The following DCC variants were observed in gnomAD, a reference collection of about 807,000 sequenced individuals.
DCC encodes the protein netrin receptor DCC.
DCC carries 58 observed loss-of-function variants against 172.5 expected under a neutral mutation model. The observed-to-expected ratio is 0.34, with a 90% CI of 0.27 to 0.42. The LOEUF (loss-of-function observed/expected upper bound fraction) is 0.42, where lower values mean the gene tolerates loss of function less well. DCC is among the 10% of genes least tolerant of loss of function. DCC has a pLI of 1.00. For missense variants in DCC, 1,740 were observed against 1,791.0 expected, an observed-to-expected ratio of 0.97 and a Z score of 0.51; for synonymous variants, 709 against 644.5, an observed-to-expected ratio of 1.10 and a Z score of -1.52.
chr18:52,593,352 G>A (rs2033841306), intron 1 of DCC, among the ~76,000 whole-genome samples: 1 of 152,112 alleles, frequency 6.6e-6, no homozygotes, highest in African/African-American at 2.4e-5. Context: ...AACTCCCTCA[G>A]CAGCAGGATC....
intron 1 of DCC, among the ~76,000 whole-genome samples, chr18:52,355,262 C>A (rs1041225503): frequency 6.6e-6 from 1 of 151,962 alleles, no homozygotes; most frequent in Admixed American, 6.6e-5. Context: ...TTTCAAAGCA[C>A]TGATCAGGCA....
intron 5 of DCC, among the ~76,000 whole-genome samples, chr18:52,930,623 G>GTATTTA: frequency 1.3e-5 from 2 of 152,140 alleles, no homozygotes; most frequent in South Asian, 4.1e-4. Flanking sequence ...CTCCTTGTAA[G>GTATTTA]TATTTATATT....
At chr18:52,531,896 A>G (rs186062303) in intron 1 of DCC, among the ~76,000 whole-genome samples, 7 of 152,358 alleles carry the variant, frequency 4.6e-5, no homozygotes, top group African/African-American at 1.7e-4. Context: ...GATCTTAAAA[A>G]CAAAAAAAGA....
intron 1 of DCC, among the ~76,000 whole-genome samples, chr18:52,745,479 G>T (rs1043605632): frequency 6.6e-6 from 1 of 151,978 alleles, no homozygotes; most frequent in African/African-American, 2.4e-5. Context: ...GCCTAGAATT[G>T]TGCATTTTAA....
intron 1 of DCC, among the ~76,000 whole-genome samples, chr18:52,427,959 A>C (rs2144457398): frequency 6.6e-6 from 1 of 151,202 alleles, no homozygotes; most frequent in South Asian, 2.1e-4. Context: ...AAAGGCAAGC[A>C]CTCCACCAAA....
At chr18:52,526,387 A>G (rs559515331) in intron 1 of DCC, among the ~76,000 whole-genome samples, 4 of 152,292 alleles carry the variant, frequency 2.6e-5, no homozygotes, top group Admixed American at 6.5e-5. Context: ...CCCCTGATAT[A>G]TAGGCAATCA....
chr18:52,470,592 T>C (rs1304770463), intron 1 of DCC, among the ~76,000 whole-genome samples: 1 of 151,972 alleles, frequency 6.6e-6, no homozygotes, highest in African/African-American at 2.4e-5. Flanking sequence ...ACAGAAAACA[T>C]TTTATTTGAG....
At chr18:52,430,402 G>A (rs948386766) in intron 1 of DCC, among the ~76,000 whole-genome samples, 1 of 151,428 alleles carries the variant, frequency 6.6e-6, no homozygotes, top group Non-Finnish European at 1.5e-5. Context: ...AAGAAAAAAT[G>A]CATTGGTTAA....
At chr18:52,982,673 T>C (rs1015063378) in intron 5 of DCC, among the ~76,000 whole-genome samples, 3 of 152,122 alleles carry the variant, frequency 2.0e-5, no homozygotes, top group South Asian at 2.1e-4. Context: ...TTTTGAGATA[T>C]TGCCAGATGT....
At chr18:53,275,012 C>A (rs1823876726) in intron 12 of DCC, among the ~76,000 whole-genome samples, 1 of 151,984 alleles carries the variant, frequency 6.6e-6, no homozygotes, top group Admixed American at 6.6e-5. Context: ...AGCTGTAAAT[C>A]CCAACTACAC....
intron 24 of DCC, 77 bp downstream of exon 24, chr18:53,459,535 A>C: frequency 8.9e-6 from 8 of 895,332 alleles, no homozygotes; most frequent in Non-Finnish European, 1.5e-5. Context: ...TTTTATGGAA[A>C]TGTCTTCCCT....
chr18:53,462,471 A>C (rs11083002), intron 24 of DCC, among the ~76,000 whole-genome samples: 73,814 of 151,040 alleles, frequency 0.49, 19,001 homozygotes, highest in Non-Finnish European at 0.58. Context: ...TGTCTCCCAT[A>C]ACCCCCAGAT....
chr18:53,309,108 G>A (rs190074761), intron 13 of DCC, among the ~76,000 whole-genome samples: 97 of 152,230 alleles, frequency 6.4e-4, no homozygotes, highest in Admixed American at 6.0e-3. Context: ...CATGATCATA[G>A]TTTACTGCAG....
chr18:52,971,167 T>G (rs943663188), intron 5 of DCC, among the ~76,000 whole-genome samples: 1 of 152,146 alleles, frequency 6.6e-6, no homozygotes, highest in Non-Finnish European at 1.5e-5. Context: ...GGCCTTTTCT[T>G]TTTCGTTAGT....
At chr18:52,566,879 T>A (rs948593) in intron 1 of DCC, among the ~76,000 whole-genome samples, 37,015 of 152,022 alleles carry the variant, frequency 0.24, 4,635 homozygotes, top group East Asian at 0.29. Flanking sequence ...ATTTGACAAC[T>A]ATATGACGTA....
chr18:52,929,510 G>A (rs909325130), intron 5 of DCC, among the ~76,000 whole-genome samples: 1 of 152,162 alleles, frequency 6.6e-6, no homozygotes, highest in African/African-American at 2.4e-5. Flanking sequence ...AAGGCTGACA[G>A]GGGAGCAGGG....
rs535504859 is a variant in DCC, at chr18:52,966,413, A to T, written c.985+41043A>T. Among the ~76,000 whole-genome samples, 3 of 152,062 alleles carry T rather than the reference A, an allele frequency of 2.0e-5. 1 individual carries two copies. Among genetic ancestry groups the T allele is most frequent in the South Asian group, 4.2e-4 (2 of 4,814 alleles). On this transcript the variant is annotated intron_variant, in intron 5 of 28. Transcript: ENST00000442544. Reference sequence around the variant, plus strand: ...AGAGCTAATACCCTGAACAATCTCAATTTTTTTCTGTATACCCTCCACCCC... The same window carrying T: ...AGAGCTAATACCCTGAACAATCTCATTTTTTTTCTGTATACCCTCCACCCC...
chr18:53,487,180 G>A (rs927105437), intron 26 of DCC, among the ~76,000 whole-genome samples: 1 of 152,158 alleles, frequency 6.6e-6, no homozygotes. Flanking sequence ...GACAATACAA[G>A]GGGAAGTGGT....
At chr18:52,522,686 AG>A (rs2031858058) in intron 1 of DCC, among the ~76,000 whole-genome samples, 1 of 152,226 alleles carries the variant, frequency 6.6e-6, no homozygotes, top group South Asian at 2.1e-4. Context: ...TTTGAAAGAA[AG>A]GATTGCAGTC....
Sources: gnomAD v4.1 joint callset for allele counts (sites outside exome capture counted in the v4.1 genomes callset) on GRCh38, gnomAD v4.1.1 for gene constraint, MANE v1.5 for transcripts, NCBI Gene and HGNC (gene_info 2026-07-23, HGNC 2026-07-21) for gene names.